TLL1: variants seen among roughly 807,000 people sequenced by gnomAD.
The protein encoded by TLL1 is tolloid like 1.
In TLL1, 49 loss-of-function variants were observed where a neutral mutation model predicts 128.2. The observed-to-expected ratio is 0.38, with a 90% CI of 0.30 to 0.48. TLL1 has a LOEUF of 0.48. TLL1 is among the 20% of genes least tolerant of loss of function. The probability of loss-of-function intolerance (pLI) is 0.96; values close to 1 mark genes in which losing one functional copy is unlikely to be tolerated. For missense variants in TLL1, 1,123 were observed against 1,242.0 expected (o/e 0.90, Z 1.44); for synonymous variants, 454 against 418.8 (o/e 1.08, Z -1.03).
At position 165,938,576 on chromosome 4, in the gene TLL1, C is replaced by G. The variant is rs142575437; in HGVS notation, c.170-50805C>G. ...AATTATTTTTATCTTTATTTGTCTA[C>G]TTTCCATCTTGACACCTTTTTTAAA... On this transcript the variant is annotated intron_variant, in intron 1 of 20. Coordinates refer to ENST00000061240, the MANE Select transcript of TLL1 (RefSeq NM_012464.5). Among the ~76,000 whole-genome samples the G allele has an allele frequency of 2.8e-4, 42 of 152,122 alleles. No individual in the cohort carries two copies. The East Asian group carries it at 7.5e-3, about 27-fold the overall frequency.
intron 16 of TLL1, among the ~76,000 whole-genome samples, chr4:166,073,489 T>C (rs1049373231): frequency 2.2e-4 from 33 of 152,160 alleles, no homozygotes; most frequent in African/African-American, 7.2e-4. Context: ...TTATTCTGCT[T>C]TCATTTTGTT....
intron 1 of TLL1, among the ~76,000 whole-genome samples, chr4:165,913,839 C>A (rs1030574324): frequency 6.6e-6 from 1 of 151,990 alleles, no homozygotes; most frequent in Non-Finnish European, 1.5e-5. Context: ...CATGGTGCAA[C>A]CCTATCTCTA....
intron 1 of TLL1, among the ~76,000 whole-genome samples, chr4:165,976,176 A>C (rs1001563111): frequency 6.6e-6 from 1 of 152,264 alleles, no homozygotes; most frequent in African/African-American, 2.4e-5. Flanking sequence ...TGAATATGAC[A>C]CTACTTTCAG....
chr4:165,953,627 CATATATAT>C (rs55874624), intron 1 of TLL1, among the ~76,000 whole-genome samples: 5 of 146,532 alleles, frequency 3.4e-5, no homozygotes, highest in East Asian at 2.0e-4. Context: ...TTTGCTCTGT[CATATATAT>C]ATATATATAT....
intron 1 of TLL1, among the ~76,000 whole-genome samples, chr4:165,907,228 A>C (rs1402855047): frequency 6.6e-6 from 1 of 152,220 alleles, no homozygotes; most frequent in Non-Finnish European, 1.5e-5. Flanking sequence ...TTTTTGTTAA[A>C]AGACTGTCTT....
chr4:165,988,047 T>C (rs953889104), intron 1 of TLL1, among the ~76,000 whole-genome samples: 8 of 152,142 alleles, frequency 5.3e-5, no homozygotes, highest in Admixed American at 5.2e-4. Context: ...TAGGTATTTT[T>C]CAGTGTTCTA....
chr4:166,086,742 A>G (rs1366503177), intron 18 of TLL1, among the ~76,000 whole-genome samples: 1 of 152,152 alleles, frequency 6.6e-6, no homozygotes, highest in African/African-American at 2.4e-5. Context: ...GAGGAGAATT[A>G]GACTAGAAAC....
At chr4:166,049,109 A>C (rs1398631369) in intron 12 of TLL1, among the ~76,000 whole-genome samples, 1 of 152,216 alleles carries the variant, frequency 6.6e-6, no homozygotes, top group Non-Finnish European at 1.5e-5. Context: ...TTAGCTGAGA[A>C]TATATTTTAG....
At chr4:165,874,169 C>T in intron 1 of TLL1, 96 bp downstream of exon 1, 1 of 1,443,644 alleles carries the variant, frequency 6.9e-7, no homozygotes, top group South Asian at 1.2e-5. Flanking sequence ...TTCCTTCCCT[C>T]CCGCGTCAGC....
intron 1 of TLL1, among the ~76,000 whole-genome samples, chr4:165,929,098 A>G (rs1302928497): frequency 1.3e-5 from 2 of 152,178 alleles, no homozygotes; most frequent in Non-Finnish European, 1.5e-5. Flanking sequence ...GCCTGGCACA[A>G]TCTGATGACA....
intron 1 of TLL1, among the ~76,000 whole-genome samples, chr4:165,973,391 T>C (rs1269016887): frequency 6.6e-6 from 1 of 151,898 alleles, no homozygotes; most frequent in African/African-American, 2.4e-5. Context: ...AAATAAACTA[T>C]CTTATACAAC....
rs776768157 is a variant in TLL1 at position 166,057,318 on chromosome 4, G to A, written c.1846+9G>A. 2 of 1,613,564 alleles carry A rather than the reference G, an allele frequency of 1.2e-6. No individual in the cohort carries two copies. The highest frequency in any genetic ancestry group is 1.7e-5 in the Admixed American group (1 of 59,918). On this transcript the variant is annotated intron_variant, in intron 14 of 20. Coordinates refer to ENST00000061240, the MANE Select transcript of TLL1 (RefSeq NM_012464.5). ...CAGAAGGAGCTGTGAAGGTATGACT[G>A]CACTCCTTCCTGGACCCCCACCCCC...
rs146416520 is a variant in TLL1 at position 166,021,223 on chromosome 4, CA to C, written c.1043-4083del. 7.8e-3 allele frequency among the ~76,000 whole-genome samples: 1,153 copies of C among 146,990 alleles called. 7 individuals carry two copies. The highest frequency in any genetic ancestry group is 0.016 in the African/African-American group (638 of 40,292). ...TTGGCTAAACTATATTGCCAAGATG[CA>C]AAAAAAAAATGCATTTAGCTATTTC... On this transcript the variant is annotated intron_variant, in intron 8 of 20. Transcript: ENST00000061240.
chr4:166,023,720 A>G (rs1439906623), intron 8 of TLL1, among the ~76,000 whole-genome samples: 1 of 152,146 alleles, frequency 6.6e-6, no homozygotes, highest in Non-Finnish European at 1.5e-5. Flanking sequence ...ATTAATTTTT[A>G]GTGTATGTTG....
At position 165,894,842 on chromosome 4, in the gene TLL1, A is replaced by AGTGTGTGT. The variant is rs34248657; in HGVS notation, c.169+20798_169+20805dup. ...GAATGCTAGATTTTGTCAAATGATG[A>AGTGTGTGT]GTGTGTGTGTGTGTGTGTGTGTGTG... On this transcript the variant is annotated intron_variant, in intron 1 of 20. Transcript: ENST00000061240. 8.0e-3 allele frequency among the ~76,000 whole-genome samples: 1,142 copies of AGTGTGTGT among 142,096 alleles called. 13 individuals carry two copies. Among genetic ancestry groups the AGTGTGTGT allele is most frequent in the African/African-American group, 0.027 (1,055 of 39,100 alleles). 93.2% of individuals were successfully genotyped at this position (142,096 alleles called of 152,430 possible). A position where few individuals can be genotyped will look rare whatever the true frequency, so the allele number is the denominator to read the frequency against.
chr4:165,987,434 G>C (rs1020769583), intron 1 of TLL1, among the ~76,000 whole-genome samples: 5 of 152,078 alleles, frequency 3.3e-5, no homozygotes, highest in Non-Finnish European at 7.4e-5. Flanking sequence ...GTACGAAGCT[G>C]ATTAGAATCT....
intron 1 of TLL1, among the ~76,000 whole-genome samples, chr4:165,941,537 T>A (rs983207549): frequency 2.0e-5 from 3 of 152,266 alleles, no homozygotes; most frequent in African/African-American, 7.2e-5. Context: ...CTAATATAGT[T>A]TGTAATTCAT....
intron 1 of TLL1, among the ~76,000 whole-genome samples, chr4:165,934,172 G>GCTT: frequency 8.4e-6 from 1 of 118,732 alleles, no homozygotes; most frequent in Admixed American, 8.3e-5. Context: ...CTAATTTTTT[G>GCTT]CTTTTTTTTT....
At position 166,065,772 on chromosome 4, in the gene TLL1, A is replaced by C. The variant is rs1441976412; in HGVS notation, c.2097A>C (p.Glu699Asp). 1 of 1,613,134 alleles carries C rather than the reference A, an allele frequency of 6.2e-7. No homozygotes were observed. The highest frequency in any genetic ancestry group is 1.1e-5 in the South Asian group (1 of 91,078). ...AATTCTGTGGCGCTGAAGTGCCTGAAGTGATCACATCCCAGTTCAACAATA... is the reference window on the plus strand; with the variant it reads ...AATTCTGTGGCGCTGAAGTGCCTGACGTGATCACATCCCAGTTCAACAATA... The part of the protein sequence containing the change: ...HGKFCGAEVP[E>D]VITSQFNNMR... The change falls in exon 16 of 21, where the codon GAA (glutamate) becomes GAC (aspartate). Residue 699 changes from glutamate (E) to aspartate (D), a missense_variant. Physicochemically the swap from Glu to Asp is conservative, Grantham distance 45 (BLOSUM62 2). Transcript: ENST00000061240.
Sources: gnomAD v4.1 joint callset for allele counts (sites outside exome capture counted in the v4.1 genomes callset) on GRCh38, gnomAD v4.1.1 for gene constraint, MANE v1.5 for transcripts, NCBI Gene and HGNC (gene_info 2026-07-23, HGNC 2026-07-21) for gene names.